The following FAM25A variants were observed in gnomAD, a reference collection of about 807,000 sequenced individuals.
FAM25A encodes family with sequence similarity 25 member A.
FAM25A carries 5 observed loss-of-function variants against 6.6 expected under a neutral mutation model. That is an observed-to-expected ratio of 0.75 (90% confidence interval 0.39 to 1.59). The LOEUF is 1.59. Among genes scored for constraint, FAM25A ranks in the 40% most tolerant of loss-of-function variants. FAM25A has a pLI of 0.02. For missense variants in FAM25A, 93 were observed against 109.7 expected (o/e 0.85, Z 0.68); for synonymous variants, 36 against 41.3 (o/e 0.87, Z 0.49).
intron 1 of FAM25A, among the ~76,000 whole-genome samples, chr10:87,021,555 C>T (rs1221105530): frequency 6.6e-6 from 1 of 152,248 alleles, no homozygotes; most frequent in South Asian, 2.1e-4. Flanking sequence ...CCTTCGCAGC[C>T]TCCACACTCG....
At chr10:87,021,637 C>T (rs375783345) in intron 1 of FAM25A, among the ~76,000 whole-genome samples, 5 of 152,190 alleles carry the variant, frequency 3.3e-5, no homozygotes, top group Non-Finnish European at 5.9e-5. Context: ...CTGGACTTGC[C>T]GCCCCCGCGA....
intron 2 of FAM25A, 71 bp downstream of exon 2, chr10:87,022,447 T>C (rs1845338676): frequency 6.6e-7 from 1 of 1,514,522 alleles, no homozygotes. Context: ...GCCAACCTGT[T>C]CTTTGACTAA....
At chr10:87,021,202 C>T (rs547659848) in intron 1 of FAM25A, among the ~76,000 whole-genome samples, 38 of 152,318 alleles carry the variant, frequency 2.5e-4, no homozygotes, top group Non-Finnish European at 3.5e-4. Context: ...CATGGGTCAT[C>T]GTGTGAAAAA....
Position 87,020,311 on chromosome 10 carries a change from T to C in FAM25A, c.-14T>C. 1 of 1,549,492 alleles carries C rather than the reference T, an allele frequency of 6.5e-7. No individual in the cohort carries two copies. The highest frequency in any genetic ancestry group is 2.0e-5 in the Admixed American group (1 of 50,990). On this transcript the variant is annotated 5_prime_UTR_variant, in exon 1 of 3. Coordinates refer to ENST00000343959, the MANE Select transcript of FAM25A (RefSeq NM_001146157.3). ...TCCTCAGCATCCTAGTTCACCACTG[T>C]CTGCTGCCACACGATGCTGGGAGGC...
intron 2 of FAM25A, among the ~76,000 whole-genome samples, chr10:87,024,159 C>CAA (rs68047620): frequency 1.4e-5 from 2 of 140,132 alleles, no homozygotes; most frequent in African/African-American, 5.2e-5. Context: ...TTTCTATAGC[C>CAA]AAAAAAAAAA....
At chr10:87,023,152 C>T (rs1430524251) in intron 2 of FAM25A, among the ~76,000 whole-genome samples, 4 of 150,616 alleles carry the variant, frequency 2.7e-5, no homozygotes, top group Non-Finnish European at 5.9e-5. Context: ...ACCCGGAAGG[C>T]GGAGCTTGCA....
intron 2 of FAM25A, among the ~76,000 whole-genome samples, chr10:87,022,926 CAAA>C (rs68049029): frequency 8.4e-6 from 1 of 119,734 alleles, no homozygotes. Flanking sequence ...GACTCGGTCT[CAAA>C]AAAAAAAAAA....
chr10:87,021,123 T>A (rs993110257), intron 1 of FAM25A, among the ~76,000 whole-genome samples: 1 of 152,190 alleles, frequency 6.6e-6, no homozygotes, highest in African/African-American at 2.4e-5. Context: ...CCACCGCACC[T>A]GGTCCCGAAG....
intron 2 of FAM25A, among the ~76,000 whole-genome samples, chr10:87,023,187 C>G (rs1845345771): frequency 6.6e-6 from 1 of 151,178 alleles, no homozygotes. Context: ...TGCCACTGCA[C>G]TCCAGCCTGG....
chr10:87,024,510 C>T (rs923763839), intron 2 of FAM25A, 31 bp from the exon 3 acceptor site: 2 of 1,535,706 alleles, frequency 1.3e-6, no homozygotes, highest in Non-Finnish European at 1.7e-6. Context: ...GGGTGGATCA[C>T]TAGGACATTC....
intron 2 of FAM25A, among the ~76,000 whole-genome samples, chr10:87,023,629 G>A (rs1845352118): frequency 6.6e-6 from 1 of 152,206 alleles, no homozygotes; most frequent in Non-Finnish European, 1.5e-5. Context: ...TCTGAGGCAG[G>A]ATACTCCCTT....
rs563938930 is a variant in FAM25A at position 87,022,322 on chromosome 10, G to A, written c.82G>A (p.Val28Met). 1.7e-4 allele frequency: 271 copies of A among 1,548,924 alleles called. No individual in the cohort carries two copies. Among genetic ancestry groups the A allele is most frequent in the African/African-American group, 3.6e-4 (26 of 73,082 alleles). ...TTGTCTCCTCTGTTCAGTTCATGCC[G>A]TGGAAGAAGTGGTGAAGGAGGTGGT... ...EKATEGAIHA[V>M]EEVVKEVVGH... The change falls in exon 2 of 3, where the codon GTG becomes ATG. Residue 28 changes from valine (V) to methionine (M), a missense_variant. Transcript: ENST00000343959.
At chr10:87,022,926 CAA>C (rs68049029) in intron 2 of FAM25A, among the ~76,000 whole-genome samples, 48 of 119,684 alleles carry the variant, frequency 4.0e-4, no homozygotes, top group Admixed American at 3.7e-4. Context: ...GACTCGGTCT[CAA>C]AAAAAAAAAA....
chr10:87,021,646 G>A (rs1446074679), intron 1 of FAM25A, among the ~76,000 whole-genome samples: 2 of 152,148 alleles, frequency 1.3e-5, no homozygotes, highest in Admixed American at 6.5e-5. Flanking sequence ...CCGCCCCCGC[G>A]ACCTGGTGTT....
At chr10:87,020,784 G>C (rs1845323360) in intron 1 of FAM25A, among the ~76,000 whole-genome samples, 1 of 152,118 alleles carries the variant, frequency 6.6e-6, no homozygotes, top group African/African-American at 2.4e-5. Flanking sequence ...AGTCAAAAAG[G>C]GCATTTTCAA....
At chr10:87,021,723 A>T (rs1845330789) in intron 1 of FAM25A, among the ~76,000 whole-genome samples, 1 of 152,274 alleles carries the variant, frequency 6.6e-6, no homozygotes, top group Admixed American at 6.5e-5. Context: ...AGGTAGAGTT[A>T]GAATAAGAAC....
At chr10:87,022,208 A>G (rs1845333519) in intron 1 of FAM25A, 106 bp from the exon 2 acceptor site, 11 of 1,389,724 alleles carry the variant, frequency 7.9e-6, no homozygotes, top group East Asian at 2.5e-5. Context: ...CTGAGCCCTC[A>G]CCCTGGACTG....
At chr10:87,021,701 C>T (rs1282527456) in intron 1 of FAM25A, among the ~76,000 whole-genome samples, 2 of 152,192 alleles carry the variant, frequency 1.3e-5, no homozygotes, top group Non-Finnish European at 2.9e-5. Context: ...GATGAGGGAA[C>T]CAAGAGGTGG....
chr10:87,021,856 T>C (rs1845331469), intron 1 of FAM25A, among the ~76,000 whole-genome samples: 1 of 152,246 alleles, frequency 6.6e-6, no homozygotes, highest in South Asian at 2.1e-4. Flanking sequence ...CTGGTTTTAC[T>C]GGATGAGGCT....
Sources: allele counts gnomAD v4.1 joint callset (sites outside exome capture counted in the v4.1 genomes callset), GRCh38; gene constraint gnomAD v4.1.1; transcripts MANE v1.5; gene names NCBI Gene and HGNC (gene_info 2026-07-23, HGNC 2026-07-21).